The following APTX variants were observed in gnomAD, a reference collection of about 807,000 sequenced individuals.
The protein encoded by APTX is aprataxin.
In APTX, 33 loss-of-function variants were observed where a neutral mutation model predicts 42.3. The ratio of observed to expected loss-of-function variants is 0.78; its 90% CI spans 0.59 to 1.04. APTX has a LOEUF of 1.04. Among genes scored for constraint, APTX ranks in the 50% least tolerant of loss-of-function variants. The pLI, the probability that APTX is intolerant of heterozygous loss-of-function variation, is 0.00. For synonymous variants in APTX, 130 were observed against 146.7 expected (o/e 0.89, Z 0.82); for missense variants, 421 against 415.1 (o/e 1.01, Z -0.12).
rs375978921 is a variant in APTX, at chr9:32,988,140, T to C, written c.134-11A>G. The C allele has an allele frequency of 1.9e-5, 30 of 1,613,610 alleles. No individual in the cohort carries two copies. The highest frequency in any genetic ancestry group is 1.6e-4 in the Middle Eastern group (1 of 6,084). ...CTGCTTTCAACTGTACTGAAAGAGA[T>C]TGGAAAAAGTTAAACACAAATGCAA... On this transcript the variant is annotated splice_polypyrimidine_tract_variant and intron_variant, in intron 2 of 7. Transcript: ENST00000379817.
At chr9:32,973,710 CCAA>C in intron 7 of APTX, 58 bp from the exon 8 acceptor site, 1 of 1,296,412 alleles carries the variant, frequency 7.7e-7, no homozygotes, top group Admixed American at 2.8e-5. Context: ...ATATGAGATA[CCAA>C]AAAAAAAAAA....
intron 1 of APTX, among the ~76,000 whole-genome samples, chr9:33,020,555 G>A (rs556696487): frequency 2.6e-5 from 4 of 152,140 alleles, no homozygotes; most frequent in Admixed American, 2.0e-4. Context: ...CTAAAACAAG[G>A]GTTACTGTGA....
At position 32,988,065 on chromosome 9, in the gene APTX, A is replaced by G; in HGVS notation, c.180+18T>C. 6.2e-7 allele frequency: 1 copy of G among 1,612,708 alleles called. No homozygotes were observed. On this transcript the variant is annotated intron_variant, in intron 3 of 7. Coordinates refer to ENST00000379817, the MANE Select transcript of APTX (RefSeq NM_001195248.2). ...GAAAATCATCGAGTATAAAATTCCA[A>G]GTTATAAATACACCTACCTGCTTTA...
At chr9:33,014,733 CAGTCCTCCACCCT>C (rs1440411202) in intron 1 of APTX, among the ~76,000 whole-genome samples, 1 of 152,268 alleles carries the variant, frequency 6.6e-6, no homozygotes, top group East Asian at 1.9e-4. Flanking sequence ...ATCACCAAGA[CAGTCCTCCACCCT>C]AGAAGTATTG....
At chr9:33,004,399 C>T (rs10971293), upstream of APTX, among the ~76,000 whole-genome samples, 10,732 of 152,250 alleles carry the variant, frequency 0.07, 512 homozygotes, top group Non-Finnish European at 0.11. Context: ...AACCAAAAAC[C>T]ATTTGTACCC....
rs573988129 is a variant in APTX, at chr9:32,989,931, G to A, written c.-4-36C>T. 1.9e-6 allele frequency: 3 copies of A among 1,601,480 alleles called. 1 individual carries two copies. In the South Asian group the frequency reaches 3.3e-5, roughly 18 times the overall value. On this transcript the variant is annotated intron_variant, in intron 1 of 7. Transcript: ENST00000379817. ...AAACAAAAGAATCACTAGAAAAACA[G>A]ATCCACTAGCACGAGTCCTCCAGGG...
chr9:32,994,582 C>A (rs540034015), intron 1 of APTX, among the ~76,000 whole-genome samples: 1 of 152,318 alleles, frequency 6.6e-6, no homozygotes, highest in East Asian at 1.9e-4. Context: ...AAATCTGTGT[C>A]AAGCAAGTCT....
upstream of APTX, among the ~76,000 whole-genome samples, chr9:33,002,796 T>A (rs1836779161): frequency 6.6e-6 from 1 of 152,076 alleles, no homozygotes; most frequent in Admixed American, 6.6e-5. Context: ...ATTTAAGGAG[T>A]CACATTCTTC....
chr9:32,973,711 C>A lies in APTX; in HGVS notation c.875-59G>T, dbSNP rs1262001693. On this transcript the variant is annotated intron_variant, in intron 7 of 7. Coordinates refer to ENST00000379817, the MANE Select transcript of APTX (RefSeq NM_001195248.2). ...ACTCTGGAAAACCAATATGAGATAC[C>A]AAAAAAAAAAAAAAAAAATCAAAAA... 3.9e-5 allele frequency: 52 copies of A among 1,331,842 alleles called. No individual in the cohort carries two copies. Among genetic ancestry groups the A allele is most frequent in the Admixed American group, 1.6e-4 (8 of 48,710 alleles). 82.5% of individuals were successfully genotyped at this position (1,331,842 alleles called of 1,614,324 possible).
intron 1 of APTX, among the ~76,000 whole-genome samples, chr9:33,012,042 T>C (rs545909933): frequency 8.6e-4 from 131 of 152,322 alleles, no homozygotes; most frequent in African/African-American, 3.0e-3. Context: ...TCCTACTTTG[T>C]CATTCTTTTC....
intron 6 of APTX, 97 bp from the exon 7 acceptor site, chr9:32,974,658 T>C (rs1306883235): frequency 4.2e-6 from 3 of 719,088 alleles, no homozygotes; most frequent in Non-Finnish European, 7.5e-6. Context: ...ATTCATACTA[T>C]TGAATACTCT....
chr9:33,002,391 G>A (rs921009310), upstream of APTX, among the ~76,000 whole-genome samples: 4 of 152,058 alleles, frequency 2.6e-5, no homozygotes, highest in Non-Finnish European at 5.9e-5. Context: ...ACAGACCCTG[G>A]CTAAGTCAGT....
At position 33,007,192 on chromosome 9, in the gene APTX, T is replaced by G. The variant is rs1215205849; in HGVS notation, c.-4-17297A>C. Among the ~76,000 whole-genome samples, 6 of 152,048 alleles carry G rather than the reference T, an allele frequency of 3.9e-5. No homozygotes were observed. The East Asian group carries it at 1.2e-3, about 29-fold the overall frequency. On this transcript the variant is annotated intron_variant, in intron 1 of 6. Coordinates refer to the APTX transcript ENST00000436040. The stretch of plus-strand genomic sequence containing the variant: ...AGGCCCAATAGCAGGGCTTTTAGAT[T>G]ATTCTTTTAGAGTTGCTAGAAGTCC...
rs1828382362 is a variant in APTX at position 32,972,888 on chromosome 9, CA to C, written c.*609del. 1 of 454,134 alleles carries C rather than the reference CA, an allele frequency of 2.2e-6. No homozygotes were observed. The allele number at this position is 454,134 out of a possible 1,614,324, so 28.1% of individuals were successfully genotyped here. On this transcript the variant is annotated 3_prime_UTR_variant, in exon 8 of 8. Transcript: ENST00000379817. ...GTATTAGAAGAAAACTCCAACCCCCCACACCATCATCTAGCCTCTTTTCTCA... is the reference window on the plus strand; with the variant it reads ...GTATTAGAAGAAAACTCCAACCCCCCCACCATCATCTAGCCTCTTTTCTCA...
At chr9:33,022,475 C>G (rs1838464914) in intron 1 of APTX, among the ~76,000 whole-genome samples, 1 of 152,244 alleles carries the variant, frequency 6.6e-6, no homozygotes, top group Admixed American at 6.5e-5. Context: ...TTATTTATTA[C>G]AATTTTAAAT....
chr9:33,011,264 G>A (rs117794870), intron 1 of APTX, among the ~76,000 whole-genome samples: 10,725 of 152,124 alleles, frequency 0.071, 511 homozygotes, highest in Non-Finnish European at 0.11. Context: ...AACCATTAAA[G>A]GATTTTAATC....
At chr9:32,990,051 CATG>C (rs1833201027) in intron 1 of APTX, 156 bp from the exon 2 acceptor site, 2 of 864,672 alleles carry the variant, frequency 2.3e-6, no homozygotes, top group East Asian at 2.7e-5. Flanking sequence ...ACCTATAAAC[CATG>C]ATAATGATGG....
At position 32,988,915 on chromosome 9, in the gene APTX, C is replaced by T. The variant is rs947917409; in HGVS notation, c.134-786G>A. Among the ~76,000 whole-genome samples, 6 of 152,114 alleles carry T rather than the reference C, an allele frequency of 3.9e-5. No individual in the cohort carries two copies. The South Asian group carries it at 1.0e-3, about 26-fold the overall frequency. On this transcript the variant is annotated intron_variant, in intron 2 of 7. Coordinates refer to ENST00000379817, the MANE Select transcript of APTX (RefSeq NM_001195248.2). ...GATTGCAGAGACAGAACAATCTGAG[C>T]ATGTGTGAGAAGTGGTAACATTAAG... is the stretch of plus-strand genomic sequence containing the variant.
In APTX at chr9:33,015,641, G is replaced by A. The variant is rs148209440; in HGVS notation, c.-5+9382C>T. ...CAAAGTGCTGGGATTACAGGTGTGA[G>A]CCACCACGCCCGGCCTGTATTTTCT... On this transcript the variant is annotated intron_variant, in intron 1 of 6. Transcript: ENST00000436040. 7.3e-3 allele frequency among the ~76,000 whole-genome samples: 1,118 copies of A among 152,320 alleles called. 8 individuals are homozygous for A. Among genetic ancestry groups the A allele is most frequent in the African/African-American group, 0.025 (1,035 of 41,550 alleles).
Sources: allele counts gnomAD v4.1 joint callset (sites outside exome capture counted in the v4.1 genomes callset), GRCh38; gene constraint gnomAD v4.1.1; transcripts MANE v1.5; gene names NCBI Gene and HGNC (gene_info 2026-07-23, HGNC 2026-07-21).